Variants in COL10A1 observed in about 807,000 individuals in gnomAD.
The protein encoded by COL10A1 is collagen alpha-1(X) chain.
COL10A1 carries 10 observed loss-of-function variants against 18.2 expected under a neutral mutation model. That is an observed-to-expected ratio of 0.55 (90% confidence interval 0.34 to 0.93). COL10A1 has a LOEUF of 0.93. Ranked by LOEUF, COL10A1 falls within the 40% of genes least tolerant of loss-of-function variation. The pLI is 0.02. For missense variants in COL10A1, 897 were observed against 853.5 expected (o/e 1.05, Z -0.64); for synonymous variants, 330 against 316.6 (o/e 1.04, Z -0.45).
the COL10A1 span, among the ~76,000 whole-genome samples, chr6:116,213,939 C>G: frequency 1.3e-5 from 2 of 152,086 alleles, no homozygotes; most frequent in African/African-American, 4.8e-5. Context: ...TGGGATATCT[C>G]TGTGTTGCCT....
intron 1 of COL10A1, among the ~76,000 whole-genome samples, chr6:116,141,137 T>C (rs1378274804): frequency 6.6e-6 from 1 of 152,194 alleles, no homozygotes; most frequent in Non-Finnish European, 1.5e-5. Flanking sequence ...AAATGCTGTC[T>C]CATTTTATTG....
chr6:116,197,663 G>A, the COL10A1 span, among the ~76,000 whole-genome samples: 55 of 152,028 alleles, frequency 3.6e-4, 1 homozygote, highest in African/African-American at 1.3e-3. Context: ...GTTTAGCATT[G>A]GCCAATTGAC....
At chr6:116,185,343 TTGGG>T in the COL10A1 span, among the ~76,000 whole-genome samples, 4 of 152,114 alleles carry the variant, frequency 2.6e-5, no homozygotes. Flanking sequence ...TCTGCAGTTG[TTGGG>T]TAGAAAGTTC....
At chr6:116,132,866 A>T (rs1582823564) in intron 1 of COL10A1, among the ~76,000 whole-genome samples, 2 of 152,240 alleles carry the variant, frequency 1.3e-5, no homozygotes, top group East Asian at 3.9e-4. Context: ...CTCTTGAAAA[A>T]ATTTTAAAAG....
chr6:116,135,085 T>C (rs1779556720), intron 1 of COL10A1, among the ~76,000 whole-genome samples: 1 of 152,216 alleles, frequency 6.6e-6, no homozygotes, highest in Non-Finnish European at 1.5e-5. Flanking sequence ...ATTCAACTCT[T>C]CAATGTATTA....
upstream of COL10A1, among the ~76,000 whole-genome samples, chr6:116,126,794 C>T (rs1369418809): frequency 1.3e-5 from 2 of 152,070 alleles, no homozygotes; most frequent in Non-Finnish European, 2.9e-5. Flanking sequence ...TGTTAATTTA[C>T]ATAAGATTGC....
chr6:116,137,055 AT>A (rs1779625701), intron 1 of COL10A1: 2 of 203,460 alleles, frequency 9.8e-6, no homozygotes. Context: ...CAGTGACTTC[AT>A]TTTAAGTCAC....
rs183517341 is a variant in COL10A1, at chr6:116,154,085, A to G, written c.-16+4529T>C. Among the ~76,000 whole-genome samples, 383 of 148,478 alleles carry G rather than the reference A, an allele frequency of 2.6e-3. 9 individuals are homozygous for G. The South Asian group carries it at 0.042, about 16-fold the overall frequency. Reference sequence around the variant, plus strand: ...GGTGATGGGCTAATTGAAGTGATTGACCAAAGAGATGTTAAAACATGGCTC... The same window carrying G: ...GGTGATGGGCTAATTGAAGTGATTGGCCAAAGAGATGTTAAAACATGGCTC... On this transcript the variant is annotated intron_variant, in intron 1 of 1. Coordinates refer to the COL10A1 transcript ENST00000418500.
At chr6:116,174,550 A>G in the COL10A1 span, among the ~76,000 whole-genome samples, 19 of 152,202 alleles carry the variant, frequency 1.2e-4, no homozygotes, top group African/African-American at 4.6e-4. Context: ...AATATTTCCT[A>G]TTCGTGTTTT....
the COL10A1 span, among the ~76,000 whole-genome samples, chr6:116,190,949 A>G: frequency 6.6e-6 from 1 of 151,980 alleles, no homozygotes; most frequent in East Asian, 1.9e-4. Flanking sequence ...GGTATTCCAG[A>G]ACTGGAAAAG....
chr6:116,193,957 G>C, the COL10A1 span, among the ~76,000 whole-genome samples: 1 of 151,990 alleles, frequency 6.6e-6, no homozygotes, highest in African/African-American at 2.4e-5. Context: ...CCAGCTACTA[G>C]GTTGGCTGAG....
Position 116,119,744 on chromosome 6 carries a change from G to GT in COL10A1, c.*328dup, listed in dbSNP as rs371155563. The GT allele has an allele frequency of 0.02, 4,237 of 210,906 alleles. 1 individual carries two copies. The highest frequency in any genetic ancestry group is 0.039 in the Middle Eastern group (22 of 566). 13.1% of individuals were successfully genotyped at this position (210,906 alleles called of 1,614,324 possible). On this transcript the variant is annotated 3_prime_UTR_variant, in exon 3 of 3. Transcript: ENST00000651968. ...TCACATAACTTAGAGCTCTATTTCT[G>GT]TTTTTTTTTTTAATTTTTTTTTTGT...
At chr6:116,206,941 C>T in the COL10A1 span, among the ~76,000 whole-genome samples, 1 of 151,756 alleles carries the variant, frequency 6.6e-6, no homozygotes, top group African/African-American at 2.4e-5. Flanking sequence ...TAAATGTTTT[C>T]TTCTTGTTTA....
At chr6:116,155,752 TAAAAAAAA>T (rs58270869) in intron 1 of COL10A1, among the ~76,000 whole-genome samples, 2 of 114,616 alleles carry the variant, frequency 1.7e-5, no homozygotes, top group African/African-American at 3.2e-5. Flanking sequence ...TACTTCTCCT[TAAAAAAAA>T]AAAAAAAAAA....
the COL10A1 span, among the ~76,000 whole-genome samples, chr6:116,180,431 T>C: frequency 6.6e-6 from 1 of 152,052 alleles, no homozygotes; most frequent in Non-Finnish European, 1.5e-5. Flanking sequence ...TTATAATCCC[T>C]AATGAAATAA....
At chr6:116,122,992 G>A (rs564561468) in intron 2 of COL10A1, among the ~76,000 whole-genome samples, 1 of 152,120 alleles carries the variant, frequency 6.6e-6, no homozygotes, top group Non-Finnish European at 1.5e-5. Flanking sequence ...GTACATACAT[G>A]ATTATATTAT....
At chr6:116,183,386 G>T in the COL10A1 span, among the ~76,000 whole-genome samples, 1 of 151,854 alleles carries the variant, frequency 6.6e-6, no homozygotes, top group Non-Finnish European at 1.5e-5. Flanking sequence ...TGAATTTTAG[G>T]ACTTTTTTCT....
rs377375663 is a variant in COL10A1 at position 116,125,315 on chromosome 6, A to G, written c.154+24T>C. 4 of 1,611,144 alleles carry G rather than the reference A, an allele frequency of 2.5e-6. No homozygotes were observed. The African/African-American group carries it at 5.3e-5, about 22-fold the overall frequency. On this transcript the variant is annotated intron_variant, in intron 2 of 2. Transcript: ENST00000651968. ...AAAGCAACAAGCAACTTGTTAATAGAACAAAATATACAATTCAATTTACCT... is the reference window on the plus strand; with the variant it reads ...AAAGCAACAAGCAACTTGTTAATAGGACAAAATATACAATTCAATTTACCT...
At chr6:116,189,789 C>A in the COL10A1 span, among the ~76,000 whole-genome samples, 1 of 152,008 alleles carries the variant, frequency 6.6e-6, no homozygotes, top group East Asian at 1.9e-4. Flanking sequence ...CATTCATATG[C>A]AGGAACTAGA....
Sources: allele counts gnomAD v4.1 joint callset (sites outside exome capture counted in the v4.1 genomes callset), GRCh38; gene constraint gnomAD v4.1.1; transcripts MANE v1.5; gene names NCBI Gene and HGNC (gene_info 2026-07-23, HGNC 2026-07-21).